The following TRIM36 variants were observed in gnomAD, a reference collection of about 807,000 sequenced individuals.
TRIM36 encodes the protein E3 ubiquitin-protein ligase TRIM36.
In TRIM36, 42 loss-of-function variants were observed where a neutral mutation model predicts 72.4. That is an observed-to-expected ratio of 0.58 (90% CI 0.45 to 0.75). TRIM36 has a LOEUF of 0.75. Among genes scored for constraint, TRIM36 ranks in the 30% least tolerant of loss-of-function variants. TRIM36 has a pLI of 0.00. For missense variants in TRIM36, 913 were observed against 857.1 expected, an observed-to-expected ratio of 1.07 and a Z score of -0.81; for synonymous variants, 315 against 282.8, an observed-to-expected ratio of 1.11 and a Z score of -1.14.
intron 1 of TRIM36, among the ~76,000 whole-genome samples, chr5:115,175,201 C>T (rs1755279586): frequency 6.6e-6 from 1 of 151,866 alleles, no homozygotes; most frequent in Non-Finnish European, 1.5e-5. Flanking sequence ...AGTCTACATC[C>T]TGTATTTTAT....
chr5:115,160,842 C>G (rs1290303886), intron 2 of TRIM36, among the ~76,000 whole-genome samples: 1 of 151,888 alleles, frequency 6.6e-6, no homozygotes, highest in Non-Finnish European at 1.5e-5. Context: ...AGAGTGAGAC[C>G]CTGTCTCAAA....
At chr5:115,141,590 G>A (rs1442958124) in intron 4 of TRIM36, among the ~76,000 whole-genome samples, 10 of 151,956 alleles carry the variant, frequency 6.6e-5, no homozygotes, top group African/African-American at 2.4e-4. Flanking sequence ...AAAATCAGTT[G>A]GAAAAAAGAA....
chr5:115,149,569 G>GAAAAAAAAAAATA (rs1753773536), intron 2 of TRIM36: 1 of 19,264 alleles, frequency 5.2e-5, no homozygotes, highest in Admixed American at 9.1e-4. Context: ...TCAGAAATTT[G>GAAAAAAAAAAATA]AAAAAAAAAA....
intron 5 of TRIM36, among the ~76,000 whole-genome samples, chr5:115,138,597 G>T (rs72811787): frequency 2.4e-3 from 359 of 152,096 alleles, no homozygotes; most frequent in Non-Finnish European, 4.4e-3. Context: ...AGGTTTTTGT[G>T]AAGAGATTTT....
chr5:115,154,697 A>C (rs184321896), intron 2 of TRIM36, among the ~76,000 whole-genome samples: 1 of 152,334 alleles, frequency 6.6e-6, no homozygotes, highest in African/African-American at 2.4e-5. Flanking sequence ...GTAATTTAAA[A>C]ATTATCAACA....
At chr5:115,134,190 A>T in intron 7 of TRIM36, 43 bp from the exon 8 acceptor site, 2 of 1,490,570 alleles carry the variant, frequency 1.3e-6, no homozygotes, top group Admixed American at 2.5e-5. Context: ...AAATATTGAC[A>T]TTTGAAAACC....
intron 1 of TRIM36, among the ~76,000 whole-genome samples, chr5:115,179,722 A>G (rs1755526513): frequency 6.6e-6 from 1 of 152,192 alleles, no homozygotes; most frequent in East Asian, 1.9e-4. Context: ...GAGAGCCCCT[A>G]TTGCTGCCCA....
exon 1 of TRIM36, chr5:115,180,065 G>A (rs1428967229): frequency 3.7e-6 from 6 of 1,605,596 alleles, no homozygotes; most frequent in Non-Finnish European, 5.1e-6. Context: ...AACTCTGGAG[G>A]ACCGACGCGG....
At chr5:115,164,374 C>T (rs576413476) in intron 1 of TRIM36, among the ~76,000 whole-genome samples, 1 of 152,246 alleles carries the variant, frequency 6.6e-6, no homozygotes, top group African/African-American at 2.4e-5. Flanking sequence ...CATTTTCACA[C>T]TGCTATAAAG....
chr5:115,149,022 T>G (rs1034113894), intron 2 of TRIM36: 1 of 152,218 alleles, frequency 6.6e-6, no homozygotes, highest in African/African-American at 2.4e-5. Context: ...CTATATGGCA[T>G]TGGGCCCCAA....
intron 9 of TRIM36, among the ~76,000 whole-genome samples, chr5:115,129,290 C>T (rs1752525314): frequency 6.6e-6 from 1 of 152,172 alleles, no homozygotes; most frequent in South Asian, 2.1e-4. Context: ...AGGCCAGGTG[C>T]GGTGGCTCAC....
rs1423926358 is a variant in TRIM36 at position 115,163,749 on chromosome 5, T to C, written c.31A>G (p.Thr11Ala). Residue 11 changes from threonine to alanine, a missense_variant, in exon 2 of 10, where the codon ACC becomes GCC. By Grantham distance (58) the Thr-to-Ala change is moderately conservative. Coordinates refer to ENST00000513154, the MANE Select transcript of TRIM36 (RefSeq NM_001300759.2). MEGDGSDSPVTIKNIERELIC... is the reference protein window; with the variant it reads MEGDGSDSPVAIKNIERELIC... ...AGCTCCCTTTCGATATTCTTAATGG[T>C]AACCTTGAGAGTAAAATAGTCCAAG... The C allele has an allele frequency of 5.6e-6, 9 of 1,613,962 alleles. No homozygotes were observed. The highest frequency in any genetic ancestry group is 2.7e-5 in the African/African-American group (2 of 75,044).
rs1175532843 is a variant in TRIM36, at chr5:115,137,220, C to T, written c.1086-96G>A. ...TTAACAAAATAAAACCCACACTTCA[C>T]TCAAAATTAAAGTTAAGAATGAGGC... On this transcript the variant is annotated intron_variant, in intron 6 of 9. Transcript: ENST00000513154. The T allele has an allele frequency of 2.0e-6, 3 of 1,475,604 alleles. No individual in the cohort carries two copies. In the African/African-American group the frequency reaches 4.3e-5, roughly 21 times the overall value. The allele number at this position is 1,475,604 out of a possible 1,614,324, so 91.4% of individuals were successfully genotyped here.
At chr5:115,178,987 C>G (rs1755475717) in intron 1 of TRIM36, among the ~76,000 whole-genome samples, 1 of 152,162 alleles carries the variant, frequency 6.6e-6, no homozygotes, top group Non-Finnish European at 1.5e-5. Context: ...GTGCTCACAT[C>G]AGGGCTACAG....
intron 1 of TRIM36, among the ~76,000 whole-genome samples, chr5:115,175,136 T>G (rs1189098490): frequency 1.3e-5 from 2 of 149,220 alleles, no homozygotes. Flanking sequence ...GTTCCAAATA[T>G]CACATTGCAC....
intron 2 of TRIM36, among the ~76,000 whole-genome samples, chr5:115,147,943 T>A (rs1192914772): frequency 6.6e-6 from 1 of 152,224 alleles, no homozygotes; most frequent in Non-Finnish European, 1.5e-5. Context: ...AACCCACAGC[T>A]TTTATCAGAT....
At chr5:115,179,844 G>C in intron 1 of TRIM36, 1 of 824,482 alleles carries the variant, frequency 1.2e-6, no homozygotes, top group Non-Finnish European at 1.9e-6. Context: ...CCCGGGCTGC[G>C]AGCGCGGCTC....
At chr5:115,141,230 T>C (rs1753260632) in intron 5 of TRIM36, 49 bp downstream of exon 5, 1 of 1,280,830 alleles carries the variant, frequency 7.8e-7, no homozygotes, top group Non-Finnish European at 1.1e-6. Flanking sequence ...AATGAATGTC[T>C]AGATAAAATA....
At chr5:115,147,462 G>T in intron 2 of TRIM36, 68 bp from the exon 3 acceptor site, 1 of 1,510,120 alleles carries the variant, frequency 6.6e-7, no homozygotes, top group Non-Finnish European at 9.0e-7. Context: ...GAAAAGAGGA[G>T]TCATGTCTTA....
Sources: allele counts gnomAD v4.1 joint callset (sites outside exome capture counted in the v4.1 genomes callset), GRCh38; gene constraint gnomAD v4.1.1; transcripts MANE v1.5; gene names NCBI Gene and HGNC (gene_info 2026-07-23, HGNC 2026-07-21).